Variants in CEP295 observed in about 807,000 individuals in gnomAD.
CEP295 encodes the protein centrosomal protein of 295 kDa.
A neutral mutation model predicts 291.6 loss-of-function variants in CEP295; 190 were observed. The ratio of observed to expected loss-of-function variants is 0.65; its 90% CI spans 0.58 to 0.73. The LOEUF (loss-of-function observed/expected upper bound fraction) is 0.73, where lower values mean the gene tolerates loss of function less well. Ranked by LOEUF, CEP295 falls within the 30% of genes least tolerant of loss-of-function variation. The pLI is 0.00. For synonymous variants in CEP295, 993 were observed against 1,038.8 expected (o/e 0.96, Z 0.85); for missense variants, 2,863 against 2,949.4 (o/e 0.97, Z 0.68).
chr11:93,692,984 A>AC (rs1348596482), intron 12 of CEP295, among the ~76,000 whole-genome samples: 3 of 149,544 alleles, frequency 2.0e-5, no homozygotes, highest in Non-Finnish European at 4.5e-5. Context: ...AAAAAAAAAA[A>AC]AAAAAACAAA....
rs932882731 is a variant in CEP295 at position 93,669,027 on chromosome 11, C to T, written c.434+95C>T. On this transcript the variant is annotated intron_variant, in intron 4 of 29. Transcript: ENST00000325212. ...ACTGTGTAAGCAAATATTAAATAAA[C>T]ATAGTAGCATATTCATTGCATTTGT... The T allele has an allele frequency of 1.4e-5, 9 of 629,584 alleles. No individual in the cohort carries two copies. In the South Asian group the frequency reaches 2.1e-4, roughly 15 times the overall value. 39.0% of individuals were successfully genotyped at this position (629,584 alleles called of 1,614,324 possible).
chr11:93,727,830 A>C (rs1176835357), intron 24 of CEP295, 193 bp downstream of exon 24: 2 of 499,180 alleles, frequency 4.0e-6, no homozygotes, highest in Non-Finnish European at 7.0e-6. Context: ...GAAAAACCTG[A>C]AACAAAATAC....
intron 25 of CEP295, 68 bp from the exon 26 acceptor site, chr11:93,729,366 C>A: frequency 9.2e-7 from 1 of 1,082,780 alleles, no homozygotes; most frequent in Non-Finnish European, 1.4e-6. Context: ...GCACTCTAAT[C>A]TGACAGCAGA....
chr11:93,662,699 C>A (rs574844003), intron 1 of CEP295, among the ~76,000 whole-genome samples: 1 of 152,284 alleles, frequency 6.6e-6, no homozygotes, highest in South Asian at 2.1e-4. Context: ...ATTTGGTAAA[C>A]ACCACAGTAG....
At chr11:93,724,987 G>A (rs1591163275) in intron 22 of CEP295, among the ~76,000 whole-genome samples, 2 of 152,194 alleles carry the variant, frequency 1.3e-5, no homozygotes, top group East Asian at 3.9e-4. Flanking sequence ...GGGTGCGGTG[G>A]CTCATGCCTG....
chr11:93,710,312 GT>G (rs1317200223), intron 18 of CEP295, among the ~76,000 whole-genome samples: 1 of 152,134 alleles, frequency 6.6e-6, no homozygotes, highest in African/African-American at 2.4e-5. Flanking sequence ...TCTGTACCCA[GT>G]TTTTTAAGGT....
intron 13 of CEP295, 148 bp downstream of exon 13, chr11:93,695,782 A>T (rs943896555): frequency 1.2e-6 from 1 of 827,648 alleles, no homozygotes; most frequent in Non-Finnish European, 1.7e-6. Context: ...TGGCCGAGAC[A>T]GGCAGATCAC....
chr11:93,709,782 A>C (rs1175907815), intron 18 of CEP295, among the ~76,000 whole-genome samples: 1 of 152,100 alleles, frequency 6.6e-6, no homozygotes, highest in African/African-American at 2.4e-5. Context: ...AGGAACATGG[A>C]ATATCTTTCC....
At chr11:93,674,223 A>C (rs1590979678) in intron 5 of CEP295, among the ~76,000 whole-genome samples, 1 of 152,176 alleles carries the variant, frequency 6.6e-6, no homozygotes, top group Middle Eastern at 3.4e-3. Flanking sequence ...TTGGCCTCCC[A>C]AAGTGCTGAG....
rs188441194 is a variant in CEP295, at chr11:93,692,651, C to T, written c.1533+621C>T. ...TTTTTTTTTTTCCTAGTAGAGATGA[C>T]GTCTTGCTATGTTGCCCAAGCTAAA... is the stretch of plus-strand genomic sequence containing the variant. On this transcript the variant is annotated intron_variant, in intron 12 of 29. Transcript: ENST00000325212. Among the ~76,000 whole-genome samples, 28 of 151,766 alleles carry T rather than the reference C, an allele frequency of 1.8e-4. No individual in the cohort carries two copies. In the East Asian group the frequency reaches 4.5e-3, roughly 24 times the overall value.
chr11:93,681,581 A>G (rs1457007651), intron 7 of CEP295, among the ~76,000 whole-genome samples: 1 of 150,892 alleles, frequency 6.6e-6, no homozygotes, highest in Middle Eastern at 3.2e-3. Flanking sequence ...ACGCTTGGCT[A>G]ATTTTTATAT....
intron 12 of CEP295, among the ~76,000 whole-genome samples, chr11:93,693,234 G>T (rs189858074): frequency 1.4e-5 from 2 of 146,244 alleles, no homozygotes; most frequent in East Asian, 4.2e-4. Flanking sequence ...CCGAGATTGC[G>T]CCACTGCACT....
At chr11:93,669,831 G>A (rs1464217978) in intron 5 of CEP295, 61 bp downstream of exon 5, 4 of 1,103,206 alleles carry the variant, frequency 3.6e-6, no homozygotes, top group Non-Finnish European at 5.3e-6. Context: ...TAATTCAGTG[G>A]AGGTCAGAAT....
chr11:93,698,208 C>T lies in CEP295; in HGVS notation c.3296C>T (p.Ser1099Phe), dbSNP rs1317588270. The T allele has an allele frequency of 2.6e-6, 4 of 1,551,852 alleles. No homozygotes were observed. Among genetic ancestry groups the T allele is most frequent in the Admixed American group, 3.9e-5 (2 of 51,006 alleles). The part of the protein sequence containing the change: ...LGDSKSGLVS[S>F]SSSPVVVQHS... ...GACAGTAAGTCTGGGCTGGTGAGCT[C>T]TTCATCCTCACCAGTGGTTGTTCAG... The change falls in exon 15 of 30, where the codon TCT becomes TTT. Residue 1099 changes from serine (S) to phenylalanine (F), a missense_variant. Transcript: ENST00000325212.
chr11:93,711,773 A>G (rs1031007567), intron 18 of CEP295, among the ~76,000 whole-genome samples: 1 of 151,568 alleles, frequency 6.6e-6, no homozygotes, highest in Non-Finnish European at 1.5e-5. Context: ...AGCCTCCCAA[A>G]GTGCTGGGAT....
chr11:93,700,232 C>T (rs1318358027), intron 15 of CEP295, 46 bp downstream of exon 15: 2 of 1,445,672 alleles, frequency 1.4e-6, no homozygotes, highest in East Asian at 2.5e-5. Flanking sequence ...AAGTTTAAAC[C>T]CAAATCAGTT....
Position 93,699,868 on chromosome 11 carries a change from G to T in CEP295, c.4956G>T (p.Glu1652Asp). 1 of 1,552,100 alleles carries T rather than the reference G, an allele frequency of 6.4e-7. No homozygotes were observed. Among genetic ancestry groups the T allele is most frequent in the Non-Finnish European group, 8.7e-7 (1 of 1,147,052 alleles). ...CTTTGTTTCTACCCAAGGAAACAGA[G>T]CATTCGTTTATTCCACTACCTTTTG... ...IPSLFLPKET[E>D]HSFIPLPFAE... Residue 1652 changes from glutamate (E) to aspartate (D), a missense_variant, in exon 15 of 30, where the codon GAG (glutamate) becomes GAT (aspartate). This residue lies in a region of CEP295 where 2,295 missense variants were observed against 2,335.7 expected (regional missense o/e 0.98). Coordinates refer to ENST00000325212, the MANE Select transcript of CEP295 (RefSeq NM_033395.2).
chr11:93,675,913 T>A (rs563803988), intron 6 of CEP295, among the ~76,000 whole-genome samples: 86 of 152,174 alleles, frequency 5.7e-4, no homozygotes, highest in African/African-American at 2.0e-3. Flanking sequence ...GCTTTTTTTA[T>A]CATAAAATAT....
chr11:93,689,674 T>G (rs375886836), intron 10 of CEP295, among the ~76,000 whole-genome samples: 3 of 152,076 alleles, frequency 2.0e-5, no homozygotes, highest in African/African-American at 7.2e-5. Flanking sequence ...ATAGCTCTTA[T>G]CAATATCTGA....
Sources: gnomAD v4.1 joint callset for allele counts (sites outside exome capture counted in the v4.1 genomes callset) on GRCh38, gnomAD v4.1.1 for gene constraint, gnomAD v4.1.1 regional missense constraint, MANE v1.5 for transcripts, NCBI Gene and HGNC (gene_info 2026-07-23, HGNC 2026-07-21) for gene names.